PDCD1LG2: variants seen among roughly 807,000 people sequenced by gnomAD.
PDCD1LG2 encodes programmed cell death 1 ligand 2.
PDCD1LG2 carries 32 observed loss-of-function variants against 28.2 expected under a neutral mutation model. That is an observed-to-expected ratio of 1.13 (90% CI 0.86 to 1.52). PDCD1LG2 has a LOEUF of 1.52. Ranked by LOEUF, PDCD1LG2 falls within the 40% of genes most tolerant of loss-of-function variation. The pLI, the probability that PDCD1LG2 is intolerant of heterozygous loss-of-function variation, is 0.00. For synonymous variants in PDCD1LG2, 116 were observed against 120.2 expected (o/e 0.97, Z 0.23); for missense variants, 385 against 323.8 (o/e 1.19, Z -1.45).
chr9:5,564,229 C>T (rs928895925), intron 6 of PDCD1LG2, among the ~76,000 whole-genome samples: 2 of 152,204 alleles, frequency 1.3e-5, no homozygotes, highest in Admixed American at 6.5e-5. Context: ...AACATGCCAA[C>T]CTAGATTGCA....
intron 6 of PDCD1LG2, among the ~76,000 whole-genome samples, chr9:5,566,673 T>C (rs1816673083): frequency 6.6e-6 from 1 of 152,132 alleles, no homozygotes; most frequent in African/African-American, 2.4e-5. Flanking sequence ...GTTTTTTATA[T>C]TGAGATTTTG....
In PDCD1LG2 at chr9:5,534,944, C is replaced by A. The variant is rs752144828; in HGVS notation, c.255C>A (p.Ala85=). ...AGGAGCAGCTGCCCCTAGGGAAGGC[C>A]TCGTTCCACATACCTCAAGTCCAAG... ...LLEEQLPLGK[A]SFHIPQVQVR... is the part of the protein sequence containing the mutation. The change falls in exon 3 of 7, where the codon GCC becomes GCA. Residue 85 remains alanine, a synonymous_variant. Transcript: ENST00000397747. 2 of 1,614,110 alleles carry A rather than the reference C, an allele frequency of 1.2e-6. No homozygotes were observed. The highest frequency in any genetic ancestry group is 8.5e-7 in the Non-Finnish European group (1 of 1,180,016).
chr9:5,529,035 T>C (rs1006357573), intron 2 of PDCD1LG2, among the ~76,000 whole-genome samples: 1 of 152,172 alleles, frequency 6.6e-6, no homozygotes, highest in Admixed American at 6.5e-5. Context: ...ACCTTAAGAG[T>C]TCTTTATTCT....
chr9:5,557,422 T>TA (rs1023780372), intron 4 of PDCD1LG2, among the ~76,000 whole-genome samples, 196 bp from the exon 5 acceptor site: 6 of 152,180 alleles, frequency 3.9e-5, no homozygotes, highest in African/African-American at 1.4e-4. Flanking sequence ...ATGGGGATCA[T>TA]AGCAGAGCCA....
intron 3 of PDCD1LG2, among the ~76,000 whole-genome samples, chr9:5,540,198 G>A (rs1820661700): frequency 6.6e-6 from 1 of 152,156 alleles, no homozygotes; most frequent in Non-Finnish European, 1.5e-5. Context: ...CGATAATAGT[G>A]ACACAACCTA....
At chr9:5,549,034 G>C (rs1014545200) in intron 3 of PDCD1LG2, among the ~76,000 whole-genome samples, 1 of 152,046 alleles carries the variant, frequency 6.6e-6, no homozygotes, top group African/African-American at 2.4e-5. Flanking sequence ...TTCAAATATT[G>C]GTCCTACCAG....
chr9:5,523,148 C>T (rs1416268755), intron 2 of PDCD1LG2, among the ~76,000 whole-genome samples: 1 of 152,132 alleles, frequency 6.6e-6, no homozygotes, highest in African/African-American at 2.4e-5. Context: ...AACAATGAAC[C>T]TTAAGGCTAT....
intron 3 of PDCD1LG2, among the ~76,000 whole-genome samples, chr9:5,536,176 C>G (rs1252512891): frequency 1.3e-5 from 2 of 152,204 alleles, no homozygotes; most frequent in Non-Finnish European, 2.9e-5. Context: ...TATCCTTGGG[C>G]AGGTTATTTT....
At chr9:5,546,545 A>G (rs1017277360) in intron 3 of PDCD1LG2, among the ~76,000 whole-genome samples, 2 of 152,194 alleles carry the variant, frequency 1.3e-5, no homozygotes, top group African/African-American at 4.8e-5. Context: ...CTAACAGGTC[A>G]AGTCCTTCAG....
intron 5 of PDCD1LG2, among the ~76,000 whole-genome samples, chr9:5,559,875 T>C (rs932147919): frequency 2.0e-5 from 3 of 152,194 alleles, no homozygotes; most frequent in Admixed American, 6.5e-5. Flanking sequence ...TCACCTTCAT[T>C]GTCTAAAGCT....
chr9:5,559,537 T>C (rs1242446319), intron 5 of PDCD1LG2, among the ~76,000 whole-genome samples: 2 of 152,198 alleles, frequency 1.3e-5, no homozygotes, highest in African/African-American at 4.8e-5. Context: ...ACAAATTGCC[T>C]ATCTTCTTTG....
chr9:5,533,435 A>G (rs1340964692), intron 2 of PDCD1LG2, among the ~76,000 whole-genome samples: 1 of 152,230 alleles, frequency 6.6e-6, no homozygotes, highest in African/African-American at 2.4e-5. Context: ...ACTGGTAAAT[A>G]GAGAATAGGA....
At chr9:5,535,817 C>T (rs1392968614) in intron 3 of PDCD1LG2, among the ~76,000 whole-genome samples, 2 of 152,170 alleles carry the variant, frequency 1.3e-5, no homozygotes, top group East Asian at 3.8e-4. Context: ...CTCTCCACTC[C>T]AGCACAATTG....
chr9:5,511,970 GGATTT>G (rs1306167964), intron 1 of PDCD1LG2, among the ~76,000 whole-genome samples: 6 of 152,120 alleles, frequency 3.9e-5, no homozygotes, highest in Non-Finnish European at 8.8e-5. Flanking sequence ...ATTGTTGAAT[GGATTT>G]ATTTGATGAA....
Position 5,570,882 on chromosome 9 carries a change from C to T in PDCD1LG2, c.*923C>T, listed in dbSNP as rs549472596. 4.3e-6 allele frequency: 1 copy of T among 232,786 alleles called. No individual in the cohort carries two copies. Among genetic ancestry groups the T allele is most frequent in the South Asian group, 1.8e-4 (1 of 5,528 alleles). The allele number at this position is 232,786 out of a possible 1,614,324, so 14.4% of individuals were successfully genotyped here. A position where few individuals can be genotyped will look rare whatever the true frequency, so the allele number is the denominator to read the frequency against. ...CTCAGTTTGCACATCTGTAATACAG[C>T]AATGCTAAGTAGTCAAGGCCTTTGA... On this transcript the variant is annotated 3_prime_UTR_variant, in exon 7 of 7. Transcript: ENST00000397747.
intron 3 of PDCD1LG2, 98 bp from the exon 4 acceptor site, chr9:5,549,237 G>C: frequency 9.0e-7 from 1 of 1,117,036 alleles, no homozygotes; most frequent in Non-Finnish European, 1.3e-6. Flanking sequence ...ACTTAATATT[G>C]ATAGTGATAA....
rs372870447 is a variant in PDCD1LG2, at chr9:5,522,741, C to CAA, written c.55+150_55+151dup. 2.4e-3 allele frequency: 1,178 copies of CAA among 497,414 alleles called. 1 individual carries two copies. The highest frequency in any genetic ancestry group is 3.7e-3 in the Middle Eastern group (7 of 1,890). The allele number at this position is 497,414 out of a possible 1,614,324, so 30.8% of individuals were successfully genotyped here. On this transcript the variant is annotated intron_variant, in intron 2 of 6. Transcript: ENST00000397747. The stretch of plus-strand genomic sequence containing the variant: ...GATTTCTGGGCTATTCCAAGCACCA[C>CAA]AAAAAAAAAAAGAGTCCCCATGGTG...
Position 5,545,947 on chromosome 9 carries a change from C to G in PDCD1LG2, c.362-3388C>G, listed in dbSNP as rs1378844556. On this transcript the variant is annotated intron_variant, in intron 3 of 6. Transcript: ENST00000397747. ...TTGGAGTACTTCCGCCTCTTAAATTCTAAAATTTACTCATCTTTTCCTAAG... is the reference window on the plus strand; with the variant it reads ...TTGGAGTACTTCCGCCTCTTAAATTGTAAAATTTACTCATCTTTTCCTAAG... 3.3e-5 allele frequency among the ~76,000 whole-genome samples: 5 copies of G among 152,114 alleles called. No homozygotes were observed. The East Asian group carries it at 9.6e-4, about 29-fold the overall frequency.
At chr9:5,568,817 A>G (rs1018498523) in intron 6 of PDCD1LG2, among the ~76,000 whole-genome samples, 1 of 152,170 alleles carries the variant, frequency 6.6e-6, no homozygotes, top group Non-Finnish European at 1.5e-5. Context: ...TGGTGTGAAA[A>G]GTCTGTGTAT....
Sources: gnomAD v4.1 joint callset for allele counts (sites outside exome capture counted in the v4.1 genomes callset) on GRCh38, gnomAD v4.1.1 for gene constraint, MANE v1.5 for transcripts, NCBI Gene and HGNC (gene_info 2026-07-23, HGNC 2026-07-21) for gene names.